FMNL2: variants seen among roughly 807,000 people sequenced by gnomAD.
The protein encoded by FMNL2 is formin like 2, also known as formin-like protein 2.
Under a neutral mutation model 130.2 loss-of-function variants are expected in FMNL2, and 51 were observed. The ratio of observed to expected loss-of-function variants is 0.39; its 90% confidence interval spans 0.31 to 0.49. The LOEUF is 0.49. Among genes scored for constraint, FMNL2 ranks in the 20% least tolerant of loss-of-function variants. The pLI is 0.85. For missense variants in FMNL2, 977 were observed against 1,316.2 expected, an observed-to-expected ratio of 0.74 and a Z score of 3.99; for synonymous variants, 465 against 467.1, an observed-to-expected ratio of 1.00 and a Z score of 0.06.
chr2:152,405,462 T>C (rs1242014473), intron 1 of FMNL2, among the ~76,000 whole-genome samples: 2 of 152,230 alleles, frequency 1.3e-5, no homozygotes, highest in Non-Finnish European at 2.9e-5. Context: ...AACACAGTGC[T>C]TACCTCTGGA....
chr2:152,571,962 A>G (rs1279829946), intron 6 of FMNL2, among the ~76,000 whole-genome samples: 1 of 152,084 alleles, frequency 6.6e-6, no homozygotes, highest in African/African-American at 2.4e-5. Flanking sequence ...GCACTAATCA[A>G]TTAGCCTCAT....
chr2:152,629,747 G>C, intron 19 of FMNL2, 23 bp downstream of exon 19: 1 of 1,601,128 alleles, frequency 6.2e-7, no homozygotes. Flanking sequence ...TTTCTTGTAG[G>C]TATGAAGGAC....
At chr2:152,456,861 T>A (rs577043454) in intron 1 of FMNL2, among the ~76,000 whole-genome samples, 6 of 149,574 alleles carry the variant, frequency 4.0e-5, no homozygotes, top group Non-Finnish European at 1.5e-5. Flanking sequence ...TCGCTTGAAC[T>A]TGGGAGGTGG....
At chr2:152,619,360 A>G (rs1013844989) in intron 14 of FMNL2, 149 bp from the exon 15 acceptor site, 6 of 1,362,746 alleles carry the variant, frequency 4.4e-6, no homozygotes, top group Non-Finnish European at 5.9e-6. Flanking sequence ...TTTTTCCCAC[A>G]TGTCAATGAG....
At chr2:152,336,096 A>ACAAAAC (rs1560275309) in intron 1 of FMNL2, among the ~76,000 whole-genome samples, 1 of 126,378 alleles carries the variant, frequency 7.9e-6, no homozygotes, top group East Asian at 2.1e-4. Context: ...TTTAAAAAAA[A>ACAAAAC]CAAAACAAAA....
At chr2:152,482,138 C>T (rs943988456) in intron 1 of FMNL2, among the ~76,000 whole-genome samples, 1 of 152,132 alleles carries the variant, frequency 6.6e-6, no homozygotes, top group East Asian at 1.9e-4. Flanking sequence ...AATGACAGGT[C>T]GCTATAAAAG....
Position 152,356,717 on chromosome 2 carries a change from C to T in FMNL2, c.117+20997C>T, listed in dbSNP as rs145791240. On this transcript the variant is annotated intron_variant, in intron 1 of 25. Coordinates refer to ENST00000288670, the MANE Select transcript of FMNL2 (RefSeq NM_052905.4). ...TATCCTTTTTGCTTTCTATTTAGTG[C>T]CACACTTTTTGCACTTTTGTGCTTT... Among the ~76,000 whole-genome samples, 129 of 141,472 alleles carry T rather than the reference C, an allele frequency of 9.1e-4. 2 individuals carry two copies. The East Asian group carries it at 0.026, about 29-fold the overall frequency. 92.8% of individuals were successfully genotyped at this position (141,472 alleles called of 152,430 possible).
At chr2:152,338,912 T>C (rs933361521) in intron 1 of FMNL2, among the ~76,000 whole-genome samples, 11 of 152,176 alleles carry the variant, frequency 7.2e-5, no homozygotes, top group Admixed American at 2.0e-4. Flanking sequence ...CTCTAACCTA[T>C]GTATAATTTA....
intron 1 of FMNL2, among the ~76,000 whole-genome samples, chr2:152,368,727 A>G (rs1485598425): frequency 6.6e-6 from 1 of 152,164 alleles, no homozygotes; most frequent in Non-Finnish European, 1.5e-5. Context: ...AAAGCAGAAG[A>G]GACTATTAAA....
chr2:152,572,386 A>G (rs1194119317), intron 6 of FMNL2, among the ~76,000 whole-genome samples: 2 of 152,154 alleles, frequency 1.3e-5, no homozygotes, highest in Non-Finnish European at 2.9e-5. Flanking sequence ...ACCAGAGGCC[A>G]TTTCCTCTAG....
chr2:152,580,929 G>T, intron 8 of FMNL2, 27 bp from the exon 9 acceptor site: 1 of 1,601,282 alleles, frequency 6.2e-7, no homozygotes, highest in Non-Finnish European at 8.5e-7. Flanking sequence ...TCACTGATTT[G>T]TGTTTTTCTT....
Position 152,643,282 on chromosome 2 carries a change from C to T in FMNL2, c.3169+2368C>T. 2.5e-6 allele frequency: 3 copies of T among 1,192,354 alleles called. No homozygotes were observed. The South Asian group carries it at 4.4e-5, about 18-fold the overall frequency. The allele number at this position is 1,192,354 out of a possible 1,614,324, so 73.9% of individuals were successfully genotyped here. ...ATGAACTAACTTGAGTATATATTGC[C>T]TTCCCCCTTTCCTGCCCATCTTCCC... On this transcript the variant is annotated intron_variant, in intron 25 of 25. Transcript: ENST00000288670.
intron 10 of FMNL2, among the ~76,000 whole-genome samples, chr2:152,609,166 C>T (rs999362180): frequency 2.2e-4 from 33 of 152,158 alleles, no homozygotes; most frequent in African/African-American, 7.5e-4. Flanking sequence ...AACTAGGTTC[C>T]ATTTTCTGTC....
At chr2:152,557,466 C>A (rs577069773) in intron 4 of FMNL2, among the ~76,000 whole-genome samples, 1 of 152,348 alleles carries the variant, frequency 6.6e-6, no homozygotes, top group South Asian at 2.1e-4. Context: ...CACTTTCCCA[C>A]TTTGCCGCCT....
intron 1 of FMNL2, among the ~76,000 whole-genome samples, chr2:152,381,886 C>T (rs1684488579): frequency 6.6e-6 from 1 of 151,754 alleles, no homozygotes. Flanking sequence ...CGGCTCACTG[C>T]AGCCAGGCTC....
intron 1 of FMNL2, among the ~76,000 whole-genome samples, chr2:152,463,830 G>GT (rs953382209): frequency 2.1e-4 from 32 of 151,200 alleles, no homozygotes; most frequent in South Asian, 4.2e-4. Context: ...ATTGAATGTT[G>GT]TTTTTTTTTC....
At chr2:152,400,998 A>G (rs1685663828) in intron 1 of FMNL2, among the ~76,000 whole-genome samples, 1 of 152,264 alleles carries the variant, frequency 6.6e-6, no homozygotes, top group South Asian at 2.1e-4. Context: ...TGCAAGGAGT[A>G]TGTGACTCAG....
chr2:152,385,236 T>C (rs1167158601), intron 1 of FMNL2, among the ~76,000 whole-genome samples: 1 of 152,158 alleles, frequency 6.6e-6, no homozygotes, highest in African/African-American at 2.4e-5. Context: ...GCATCGAAAC[T>C]GGGGATGAAG....
intron 1 of FMNL2, among the ~76,000 whole-genome samples, chr2:152,382,670 C>T (rs897944070): frequency 1.3e-5 from 2 of 151,816 alleles, no homozygotes; most frequent in African/African-American, 2.4e-5. Flanking sequence ...AGAAAGGAAA[C>T]GATGTGAGGT....
Sources: allele counts gnomAD v4.1 joint callset (sites outside exome capture counted in the v4.1 genomes callset), GRCh38; gene constraint gnomAD v4.1.1; transcripts MANE v1.5; gene names NCBI Gene and HGNC (gene_info 2026-07-23, HGNC 2026-07-21).